The following CNBD1 variants were observed in gnomAD, a reference collection of about 807,000 sequenced individuals.
The protein encoded by CNBD1 is cyclic nucleotide binding domain containing 1.
In CNBD1, 71 loss-of-function variants were observed where a neutral mutation model predicts 54.4. The observed-to-expected ratio is 1.30, with a 90% CI of 1.08 to 1.59. The LOEUF (loss-of-function observed/expected upper bound fraction) is 1.59, where lower values mean the gene tolerates loss of function less well. Ranked by LOEUF, CNBD1 falls within the 40% of genes most tolerant of loss-of-function variation. CNBD1 has a pLI of 0.00. For synonymous variants in CNBD1, 182 were observed against 170.7 expected (o/e 1.07, Z -0.51); for missense variants, 659 against 518.0 (o/e 1.27, Z -2.64).
At chr8:86,867,401 G>C (rs1429407915) in intron 1 of CNBD1, among the ~76,000 whole-genome samples, 1 of 152,060 alleles carries the variant, frequency 6.6e-6, no homozygotes, top group Non-Finnish European at 1.5e-5. Context: ...GTATTGATTT[G>C]AAGAAGCTAA....
chr8:87,076,563 C>T (rs751037853), intron 4 of CNBD1, among the ~76,000 whole-genome samples: 10 of 152,062 alleles, frequency 6.6e-5, no homozygotes, highest in Admixed American at 3.9e-4. Flanking sequence ...CTGCCTCAGC[C>T]TCCTGGGTAG....
chr8:87,303,674 G>T, intron 8 of CNBD1, among the ~76,000 whole-genome samples: 1 of 150,668 alleles, frequency 6.6e-6, no homozygotes, highest in Admixed American at 6.6e-5. Flanking sequence ...CACAGCAAAA[G>T]AAACTACCAT....
At chr8:87,262,902 GATA>G (rs777979598) in intron 6 of CNBD1, among the ~76,000 whole-genome samples, 8 of 152,218 alleles carry the variant, frequency 5.3e-5, no homozygotes, top group Non-Finnish European at 7.4e-5. Context: ...CTGTATTGGA[GATA>G]ATGATGATGG....
intron 10 of CNBD1, among the ~76,000 whole-genome samples, chr8:87,368,596 C>T (rs1238573913): frequency 6.6e-6 from 1 of 151,882 alleles, no homozygotes; most frequent in East Asian, 2.0e-4. Context: ...ATGATCAAGC[C>T]ACTTCACTCC....
chr8:87,125,859 A>C (rs972136831), intron 4 of CNBD1, among the ~76,000 whole-genome samples: 18 of 151,830 alleles, frequency 1.2e-4, no homozygotes, highest in African/African-American at 4.1e-4. Flanking sequence ...TTTCTAGACA[A>C]AGCCTAATCT....
intron 10 of CNBD1, among the ~76,000 whole-genome samples, chr8:87,379,722 C>T (rs1476934983): frequency 6.6e-6 from 1 of 151,342 alleles, no homozygotes; most frequent in East Asian, 1.9e-4. Flanking sequence ...TTAAGAAATA[C>T]GTTTATAATA....
chr8:87,261,736 T>C (rs187409682), intron 6 of CNBD1, among the ~76,000 whole-genome samples: 1 of 152,134 alleles, frequency 6.6e-6, no homozygotes, highest in African/African-American at 2.4e-5. Flanking sequence ...TTTTCAGTCT[T>C]GTCTGACTAT....
chr8:86,927,885 G>T (rs186927777), intron 3 of CNBD1, among the ~76,000 whole-genome samples: 396 of 152,222 alleles, frequency 2.6e-3, no homozygotes, highest in Non-Finnish European at 4.4e-3. Context: ...ATTCACAGGT[G>T]TATCGAGGCT....
intron 4 of CNBD1, among the ~76,000 whole-genome samples, chr8:87,116,657 TCTC>T (rs1454467137): frequency 2.0e-5 from 3 of 152,168 alleles, no homozygotes; most frequent in Non-Finnish European, 4.4e-5. Flanking sequence ...GTGTTCCTCA[TCTC>T]CTCCCCACCT....
chr8:87,405,534 T>A (rs931666012), intron 2 of CNBD1, among the ~76,000 whole-genome samples: 5 of 152,110 alleles, frequency 3.3e-5, no homozygotes, highest in African/African-American at 1.2e-4. Context: ...AATTCGTAAG[T>A]GGTTTATTAC....
At chr8:87,133,305 A>G (rs1367754345) in intron 4 of CNBD1, among the ~76,000 whole-genome samples, 2 of 152,056 alleles carry the variant, frequency 1.3e-5, no homozygotes, top group Non-Finnish European at 2.9e-5. Context: ...CACATATCTA[A>G]TAACTTTGAC....
At chr8:87,245,945 A>T (rs1371159980) in intron 6 of CNBD1, among the ~76,000 whole-genome samples, 3 of 152,084 alleles carry the variant, frequency 2.0e-5, no homozygotes, top group African/African-American at 7.2e-5. Flanking sequence ...TTGAGTACAT[A>T]CTATATGCCC....
chr8:87,083,592 T>TA (rs1433637303), intron 4 of CNBD1, among the ~76,000 whole-genome samples: 1 of 147,486 alleles, frequency 6.8e-6, no homozygotes, highest in African/African-American at 2.5e-5. Flanking sequence ...TTTCTTTTTT[T>TA]TTTTTTTTTT....
chr8:87,071,799 G>A (rs1810764237), intron 4 of CNBD1, among the ~76,000 whole-genome samples: 1 of 152,082 alleles, frequency 6.6e-6, no homozygotes, highest in Non-Finnish European at 1.5e-5. Flanking sequence ...GTTTTGGGGT[G>A]GAGAGTTATG....
intron 4 of CNBD1, among the ~76,000 whole-genome samples, chr8:86,946,261 C>T (rs950828630): frequency 6.6e-6 from 1 of 152,090 alleles, no homozygotes; most frequent in African/African-American, 2.4e-5. Flanking sequence ...TCTCCTACAA[C>T]TTATGAATAA....
intron 4 of CNBD1, among the ~76,000 whole-genome samples, chr8:87,077,217 A>G (rs913524775): frequency 6.6e-6 from 1 of 152,104 alleles, no homozygotes; most frequent in Non-Finnish European, 1.5e-5. Flanking sequence ...ACAAATTACC[A>G]TAGATGGAGC....
intron 10 of CNBD1, among the ~76,000 whole-genome samples, chr8:87,366,473 C>A (rs1191833445): frequency 1.3e-5 from 2 of 152,086 alleles, no homozygotes; most frequent in African/African-American, 2.4e-5. Context: ...TTGAATCTTT[C>A]TCTTCCCTGC....
chr8:87,392,376 A>G (rs1262387627), intron 2 of CNBD1, among the ~76,000 whole-genome samples: 1 of 152,070 alleles, frequency 6.6e-6, no homozygotes. Flanking sequence ...TAACAGCATT[A>G]TTCATAATAG....
At chr8:87,359,701 A>G (rs527386919) in intron 10 of CNBD1, among the ~76,000 whole-genome samples, 2 of 152,210 alleles carry the variant, frequency 1.3e-5, no homozygotes, top group African/African-American at 2.4e-5. Context: ...AGGACTCAAG[A>G]GAAAGTAAAA....
Sources: allele counts gnomAD v4.1 joint callset (sites outside exome capture counted in the v4.1 genomes callset), GRCh38; gene constraint gnomAD v4.1.1; transcripts MANE v1.5; gene names NCBI Gene and HGNC (gene_info 2026-07-23, HGNC 2026-07-21).